Variants in PCM1 observed in about 807,000 individuals in gnomAD.
PCM1 encodes pericentriolar material 1 protein.
A neutral mutation model predicts 241.9 loss-of-function variants in PCM1; 157 were observed. The ratio of observed to expected loss-of-function variants is 0.65; its 90% confidence interval spans 0.57 to 0.74. The LOEUF is 0.74. Ranked by LOEUF, PCM1 falls within the 30% of genes least tolerant of loss-of-function variation. The pLI, the probability that PCM1 is intolerant of heterozygous loss-of-function variation, is 0.00. For missense variants in PCM1, 3,478 were observed against 2,360.1 expected, an observed-to-expected ratio of 1.47 and a Z score of -9.81; for synonymous variants, 1,085 against 784.9, an observed-to-expected ratio of 1.38 and a Z score of -6.39.
At chr8:17,934,305 A>G (rs1011187293) in intron 2 of PCM1, among the ~76,000 whole-genome samples, 4 of 150,802 alleles carry the variant, frequency 2.7e-5, no homozygotes, top group Non-Finnish European at 5.9e-5. Flanking sequence ...CTAGTCACCC[A>G]GGCTGGAGTG....
chr8:17,971,638 G>T (rs2076890799), intron 22 of PCM1, among the ~76,000 whole-genome samples: 2 of 152,098 alleles, frequency 1.3e-5, no homozygotes, highest in African/African-American at 4.8e-5. Context: ...ACTGCTTTAG[G>T]TGAACACAAA....
chr8:17,979,134 A>G (rs1016711638), intron 23 of PCM1, among the ~76,000 whole-genome samples: 4 of 125,294 alleles, frequency 3.2e-5, no homozygotes, highest in African/African-American at 1.2e-4. Flanking sequence ...AAAAGAAAAG[A>G]AAAAAAAAAA....
chr8:18,027,052 G>GT (rs1404001310), intron 38 of PCM1, among the ~76,000 whole-genome samples: 2 of 152,062 alleles, frequency 1.3e-5, no homozygotes, highest in African/African-American at 4.8e-5. Flanking sequence ...GGATCAAAGG[G>GT]TTTTCTTTTT....
At chr8:17,948,451 C>T (rs532103518) in intron 7 of PCM1, among the ~76,000 whole-genome samples, 7 of 151,708 alleles carry the variant, frequency 4.6e-5, no homozygotes, top group South Asian at 2.1e-4. Flanking sequence ...ATTACAGGTG[C>T]GCACCACCAT....
intron 9 of PCM1, 90 bp downstream of exon 9, chr8:17,953,276 C>T: frequency 1.7e-6 from 1 of 593,936 alleles, no homozygotes; most frequent in Non-Finnish European, 2.7e-6. Context: ...TGAATGAACA[C>T]ATAGCTCCTC....
intron 32 of PCM1, 62 bp from the exon 33 acceptor site, chr8:18,011,175 T>TA: frequency 8.7e-7 from 1 of 1,149,376 alleles, no homozygotes; most frequent in Non-Finnish European, 1.2e-6. Context: ...ACGATAGACT[T>TA]ACTATATACC....
chr8:17,982,950 G>A (rs2081388817), intron 24 of PCM1, among the ~76,000 whole-genome samples: 1 of 152,090 alleles, frequency 6.6e-6, no homozygotes, highest in South Asian at 2.1e-4. Flanking sequence ...TTCTCCCGTG[G>A]GTGTTGTGGG....
intron 1 of PCM1, among the ~76,000 whole-genome samples, chr8:17,923,491 C>G (rs1409465215): frequency 6.6e-6 from 1 of 152,204 alleles, no homozygotes; most frequent in African/African-American, 2.4e-5. Flanking sequence ...TTCTGCGTCC[C>G]GGTGGCTCCG....
chr8:17,991,071 G>A (rs2084459241), intron 27 of PCM1, among the ~76,000 whole-genome samples: 1 of 149,968 alleles, frequency 6.7e-6, no homozygotes, highest in Non-Finnish European at 1.5e-5. Context: ...TTACAAACCT[G>A]CACCAGTAGC....
rs750581393 is a variant in PCM1, at chr8:18,014,572, T to A, written c.5585-12T>A. ...GCATTACACTAATGTTAAGACTTTC[T>A]TTTGATGACAGATGACCAAAATAAC... On this transcript the variant is annotated splice_polypyrimidine_tract_variant and intron_variant, in intron 35 of 38. Transcript: ENST00000325083. The A allele has an allele frequency of 1.3e-6, 2 of 1,587,570 alleles. No individual in the cohort carries two copies. Among genetic ancestry groups the A allele is most frequent in the South Asian group, 2.3e-5 (2 of 86,616 alleles).
chr8:18,029,628 T>C lies in PCM1; in HGVS notation c.*1966T>C, dbSNP rs1360357632. ...GCTATTAATCTAAGTCTATTGTTTTTCTATTTTAGTAGATAATTTAGTTTT... is the reference window on the plus strand; with the variant it reads ...GCTATTAATCTAAGTCTATTGTTTTCCTATTTTAGTAGATAATTTAGTTTT... On this transcript the variant is annotated 3_prime_UTR_variant, in exon 39 of 39. Coordinates refer to ENST00000325083, the MANE Select transcript of PCM1 (RefSeq NM_006197.4). 1 of 202,424 alleles carries C rather than the reference T, an allele frequency of 4.9e-6. No homozygotes were observed. Among genetic ancestry groups the C allele is most frequent in the African/African-American group, 2.3e-5 (1 of 43,620 alleles). 12.5% of individuals were successfully genotyped at this position (202,424 alleles called of 1,614,324 possible). A position where few individuals can be genotyped will look rare whatever the true frequency, so the allele number is the denominator to read the frequency against.
intron 21 of PCM1, among the ~76,000 whole-genome samples, chr8:17,967,422 C>T (rs1454389515): frequency 6.6e-6 from 1 of 152,014 alleles, no homozygotes; most frequent in Admixed American, 6.6e-5. Context: ...GATTCTCCTG[C>T]CTCAGCTTCC....
chr8:17,956,099 C>T (rs189849162), intron 10 of PCM1: 27 of 204,004 alleles, frequency 1.3e-4, no homozygotes, highest in Non-Finnish European at 1.6e-4. Context: ...AAAACGTTGG[C>T]GCAGTTCCTG....
chr8:18,024,604 T>G lies in PCM1; in HGVS notation c.5842-757T>G, dbSNP rs78436618. ...TAATTGAAATTAAGTCAAAGGTAGATTATAAAAGCTCTTGAATTTGAATTT... is the reference window on the plus strand; with the variant it reads ...TAATTGAAATTAAGTCAAAGGTAGAGTATAAAAGCTCTTGAATTTGAATTT... On this transcript the variant is annotated intron_variant, in intron 36 of 38. Transcript: ENST00000325083. Among the ~76,000 whole-genome samples the G allele has an allele frequency of 5.5e-3, 830 of 152,292 alleles. 8 individuals carry two copies. Among genetic ancestry groups the G allele is most frequent in the African/African-American group, 0.019 (773 of 41,562 alleles).
At chr8:17,980,079 A>T (rs561838220) in intron 23 of PCM1, 1 of 152,032 alleles carries the variant, frequency 6.6e-6, no homozygotes, top group African/African-American at 2.4e-5. Context: ...AGGAATTTCT[A>T]CCTTGTATAT....
At chr8:17,985,708 C>T in intron 25 of PCM1, 89 bp downstream of exon 25, 1 of 1,037,440 alleles carries the variant, frequency 9.6e-7, no homozygotes, top group Middle Eastern at 2.1e-4. Context: ...AAGCATGTGC[C>T]ATATGAATTT....
chr8:17,958,297 T>C (rs1039531783), intron 13 of PCM1, among the ~76,000 whole-genome samples: 9 of 152,284 alleles, frequency 5.9e-5, no homozygotes, highest in African/African-American at 2.2e-4. Flanking sequence ...GATCTTAACC[T>C]ACTGTATATA....
At chr8:17,950,927 G>A (rs2129458336) in intron 8 of PCM1, among the ~76,000 whole-genome samples, 1 of 152,350 alleles carries the variant, frequency 6.6e-6, no homozygotes, top group East Asian at 1.9e-4. Flanking sequence ...AATGCTGGTG[G>A]CCTGGGGACT....
At chr8:17,943,482 C>G (rs547380424) in intron 6 of PCM1, among the ~76,000 whole-genome samples, 2 of 152,096 alleles carry the variant, frequency 1.3e-5, no homozygotes, top group South Asian at 4.1e-4. Context: ...TAGTGACAAG[C>G]GAAATTTAAG....
Sources: gnomAD v4.1 joint callset for allele counts (sites outside exome capture counted in the v4.1 genomes callset) on GRCh38, gnomAD v4.1.1 for gene constraint, MANE v1.5 for transcripts, NCBI Gene and HGNC (gene_info 2026-07-23, HGNC 2026-07-21) for gene names.